SYNE1: variants seen among roughly 807,000 people sequenced by gnomAD.
SYNE1 encodes the protein spectrin repeat containing nuclear envelope protein 1.
A neutral mutation model predicts 1,111.0 loss-of-function variants in SYNE1; 616 were observed. The observed-to-expected ratio is 0.55, with a 90% CI of 0.52 to 0.59. The LOEUF (loss-of-function observed/expected upper bound fraction) is 0.59, where lower values mean the gene tolerates loss of function less well. SYNE1 is among the 20% of genes least tolerant of loss of function. SYNE1 has a pLI of 0.00. For synonymous variants in SYNE1, 3,855 were observed against 3,825.8 expected (o/e 1.01, Z -0.28); for missense variants, 10,006 against 10,417.0 (o/e 0.96, Z 1.72).
intron 129 of SYNE1, 74 bp downstream of exon 129, chr6:152,180,062 C>T (rs2067560371): frequency 6.6e-7 from 1 of 1,511,770 alleles, no homozygotes; most frequent in Non-Finnish European, 9.2e-7. Context: ...TGAGTAAAGC[C>T]ACCTTCTGTA....
rs188292135 is a variant in SYNE1 at position 152,174,410 on chromosome 6, T to C, written c.23627+1984A>G. On this transcript the variant is annotated intron_variant, in intron 130 of 145. Coordinates refer to ENST00000367255, the MANE Select transcript of SYNE1 (RefSeq NM_182961.4). ...CTAAAATATTATTTCCATCTCTTTA[T>C]AGTGCCTTTTCCAGAGCTCCTATTT... Among the ~76,000 whole-genome samples the C allele has an allele frequency of 1.9e-4, 29 of 152,316 alleles. No homozygotes were observed. In the East Asian group the frequency reaches 4.1e-3, roughly 21 times the overall value.
Position 152,582,640 on chromosome 6 carries a change from A to G in SYNE1, c.68-42619T>C, listed in dbSNP as rs549806790. 4.6e-5 allele frequency among the ~76,000 whole-genome samples: 7 copies of G among 152,110 alleles called. No individual in the cohort carries two copies. In the South Asian group the frequency reaches 1.4e-3, roughly 32 times the overall value. On this transcript the variant is annotated intron_variant, in intron 3 of 145. Transcript: ENST00000367255. ...ACATGTGCATGTTTGTCACAAGAGA[A>G]TATAAGGTACTGGTGGAGACTGGGC...
At chr6:152,621,575 A>C (rs1271223213) in intron 3 of SYNE1, among the ~76,000 whole-genome samples, 1 of 149,966 alleles carries the variant, frequency 6.7e-6, no homozygotes, top group Non-Finnish European at 1.5e-5. Flanking sequence ...AGTATTTGTA[A>C]ACCTTTGCTT....
intron 76 of SYNE1, chr6:152,335,457 T>A (rs1356517111): frequency 1.3e-5 from 2 of 152,178 alleles, no homozygotes; most frequent in African/African-American, 2.4e-5. Context: ...AAATACATTT[T>A]AAAAAATTAA....
intron 24 of SYNE1, among the ~76,000 whole-genome samples, chr6:152,454,597 GACAATACAC>G (rs1449988849): frequency 6.6e-6 from 1 of 152,194 alleles, no homozygotes; most frequent in Non-Finnish European, 1.5e-5. Flanking sequence ...AGTAGATAAA[GACAATACAC>G]ATGCACATAT....
chr6:152,215,867 G>A lies in SYNE1; in HGVS notation c.22192-807C>T, dbSNP rs560577234. On this transcript the variant is annotated intron_variant, in intron 121 of 145. Transcript: ENST00000367255. Reference sequence around the variant, plus strand: ...AACGAACCTCCTTGGGTTCTTGCTAGAGAAAATAAGATTTCACTTGAGCTA... The same window carrying A: ...AACGAACCTCCTTGGGTTCTTGCTAAAGAAAATAAGATTTCACTTGAGCTA... Among the ~76,000 whole-genome samples the A allele has an allele frequency of 1.5e-3, 231 of 152,328 alleles. 1 individual carries two copies. Among genetic ancestry groups the A allele is most frequent in the Non-Finnish European group, 2.8e-3 (193 of 68,028 alleles).
intron 39 of SYNE1, among the ~76,000 whole-genome samples, chr6:152,423,947 C>T (rs1278308507): frequency 6.6e-6 from 1 of 152,246 alleles, no homozygotes; most frequent in East Asian, 1.9e-4. Context: ...ATACACCATC[C>T]TGCAGTCCCT....
At position 152,600,798 on chromosome 6, in the gene SYNE1, A is replaced by T. The variant is rs538535571; in HGVS notation, c.67+27467T>A. ...TAGATGGCTCTTTATTTTATAAAGA[A>T]TAAAAGAGATACAGTCAGAAAATTT... is the stretch of plus-strand genomic sequence containing the variant. On this transcript the variant is annotated intron_variant, in intron 3 of 145. Coordinates refer to ENST00000367255, the MANE Select transcript of SYNE1 (RefSeq NM_182961.4). 3.3e-5 allele frequency among the ~76,000 whole-genome samples: 5 copies of T among 152,336 alleles called. No individual in the cohort carries two copies. The East Asian group carries it at 9.6e-4, about 29-fold the overall frequency.
chr6:152,584,356 C>T (rs970674114), intron 3 of SYNE1, among the ~76,000 whole-genome samples: 1 of 152,126 alleles, frequency 6.6e-6, no homozygotes, highest in African/African-American at 2.4e-5. Flanking sequence ...AATTTATAAT[C>T]TAAGTAGAGA....
chr6:152,611,521 G>C (rs2099631285), intron 3 of SYNE1, among the ~76,000 whole-genome samples: 1 of 152,108 alleles, frequency 6.6e-6, no homozygotes, highest in African/African-American at 2.4e-5. Flanking sequence ...CCTACAAAGA[G>C]ACTTAGACTC....
intron 4 of SYNE1, 95 bp downstream of exon 4, chr6:152,539,865 T>A: frequency 1.5e-6 from 2 of 1,324,432 alleles, no homozygotes; most frequent in Non-Finnish European, 2.2e-6. Context: ...TTCGCAACAG[T>A]GACAACAGGG....
intron 3 of SYNE1, among the ~76,000 whole-genome samples, chr6:152,553,690 CA>C (rs980063532): frequency 2.0e-5 from 3 of 152,150 alleles, no homozygotes; most frequent in African/African-American, 7.2e-5. Flanking sequence ...CCTATGAATC[CA>C]CAGAATAATT....
At chr6:152,275,289 A>C (rs1463075457) in intron 98 of SYNE1, among the ~76,000 whole-genome samples, 1 of 152,184 alleles carries the variant, frequency 6.6e-6, no homozygotes, top group East Asian at 1.9e-4. Context: ...GATTAAAAAA[A>C]AAAAATCATA....
chr6:152,328,026 C>T (rs1381141009), intron 78 of SYNE1, among the ~76,000 whole-genome samples: 1 of 151,996 alleles, frequency 6.6e-6, no homozygotes, highest in East Asian at 1.9e-4. Context: ...TAACCTTAAC[C>T]TCTGCAGAAA....
At chr6:152,312,815 T>G (rs568980680) in intron 87 of SYNE1, among the ~76,000 whole-genome samples, 1 of 152,232 alleles carries the variant, frequency 6.6e-6, no homozygotes, top group African/African-American at 2.4e-5. Flanking sequence ...ATTGAGGTCA[T>G]AACATGACTA....
Position 152,189,254 on chromosome 6 carries a change from G to A in SYNE1, c.23299C>T (p.Gln7767Ter). 6.2e-7 allele frequency: 1 copy of A among 1,613,410 alleles called. No individual in the cohort carries two copies. Among genetic ancestry groups the A allele is most frequent in the African/African-American group, 1.3e-5 (1 of 74,914 alleles). ...LQRQWEELCH[Q>*]LSLRRQQIGE... is the part of the protein sequence containing the mutation. ...TCCATTTTTAGAACTTATCTTACCT[G>A]GTGGCATAGTTCTTCCCACTGCCTT... Residue 7767 changes from glutamine to a stop codon, truncating the protein, a stop_gained and splice_region_variant, in exon 128 of 146, where the codon CAG (glutamine) becomes TAG (stop). Coordinates refer to ENST00000367255, the MANE Select transcript of SYNE1 (RefSeq NM_182961.4). LOFTEE classifies it high-confidence loss of function.
intron 105 of SYNE1, among the ~76,000 whole-genome samples, chr6:152,246,518 C>T (rs1414778814): frequency 1.3e-5 from 2 of 152,024 alleles, no homozygotes; most frequent in Non-Finnish European, 2.9e-5. Flanking sequence ...AAATTGAGGA[C>T]GTTTCTCAAA....
chr6:152,176,012 T>A (rs1455508653), intron 130 of SYNE1, among the ~76,000 whole-genome samples: 1 of 140,626 alleles, frequency 7.1e-6, no homozygotes, highest in Non-Finnish European at 1.5e-5. Flanking sequence ...AGAGATTTAG[T>A]AATTTTTTTT....
chr6:152,341,492 C>T (rs948915698), intron 74 of SYNE1, among the ~76,000 whole-genome samples: 2 of 152,144 alleles, frequency 1.3e-5, no homozygotes, highest in Non-Finnish European at 2.9e-5. Flanking sequence ...ACATTTTATG[C>T]CTTCTAAAAA....
Sources: gnomAD v4.1 joint callset for allele counts (sites outside exome capture counted in the v4.1 genomes callset) on GRCh38, gnomAD v4.1.1 for gene constraint, MANE v1.5 for transcripts, NCBI Gene and HGNC (gene_info 2026-07-23, HGNC 2026-07-21) for gene names.